ZC3H18: variants seen among roughly 807,000 people sequenced by gnomAD.
ZC3H18 encodes zinc finger CCCH-type containing 18, also known as zinc finger CCCH domain-containing protein 18.
ZC3H18 carries 8 observed loss-of-function variants against 106.1 expected under a neutral mutation model. That is an observed-to-expected ratio of 0.08 (90% confidence interval 0.04 to 0.14). The LOEUF (loss-of-function observed/expected upper bound fraction) is 0.14. ZC3H18 is among the 10% of genes least tolerant of loss of function. The probability of loss-of-function intolerance (pLI) is 1.00; values close to 1 mark genes in which losing one functional copy is unlikely to be tolerated. For missense variants in ZC3H18, 1,318 were observed against 1,278.4 expected (o/e 1.03, Z -0.47); for synonymous variants, 635 against 522.1 (o/e 1.22, Z -2.95).
chr16:88,572,784 G>A (rs1328890325), intron 1 of ZC3H18, among the ~76,000 whole-genome samples: 1 of 151,786 alleles, frequency 6.6e-6, no homozygotes, highest in East Asian at 1.9e-4. Flanking sequence ...TTGAAACGGA[G>A]TCTCACTCTG....
At position 88,604,306 on chromosome 16, in the gene ZC3H18, G is replaced by A. The variant is rs568395934; in HGVS notation, c.1088+4358G>A. 1.3e-4 allele frequency among the ~76,000 whole-genome samples: 20 copies of A among 151,320 alleles called. No individual in the cohort carries two copies. In the South Asian group the frequency reaches 2.9e-3, roughly 22 times the overall value. ...GGTGGAGGTTGCAGCAAGTGAGATCGTGCCACTGCACTCCAGCCTGGGTGA... is the reference window on the plus strand; with the variant it reads ...GGTGGAGGTTGCAGCAAGTGAGATCATGCCACTGCACTCCAGCCTGGGTGA... On this transcript the variant is annotated intron_variant, in intron 6 of 17. Coordinates refer to ENST00000301011, the MANE Select transcript of ZC3H18 (RefSeq NM_144604.4).
chr16:88,598,763 T>A (rs1277705590), intron 5 of ZC3H18, 51 bp downstream of exon 5: 1 of 1,542,832 alleles, frequency 6.5e-7, no homozygotes, highest in East Asian at 2.4e-5. Context: ...ATTACAGGAG[T>A]GGTTCTTGAC....
intron 3 of ZC3H18, among the ~76,000 whole-genome samples, chr16:88,593,635 G>A (rs1402381755): frequency 1.3e-5 from 2 of 152,202 alleles, no homozygotes; most frequent in Non-Finnish European, 2.9e-5. Context: ...GGGGCAGCAC[G>A]TGCAAGGCTG....
rs1904650971 is a variant in ZC3H18 at position 88,599,843 on chromosome 16, A to G, written c.983A>G (p.Lys328Arg). The change falls in exon 6 of 18, where the codon AAA (lysine) becomes AGA (arginine). Residue 328 changes from lysine to arginine, a missense_variant. Lys to Arg is a conservative substitution (Grantham distance 26, BLOSUM62 2). Transcript: ENST00000301011. ...GAACAGGAGCCTGATTTTGAAGAGAAAAGGTTTACGGTGACCATTGGCGAA... is the reference window on the plus strand; with the variant it reads ...GAACAGGAGCCTGATTTTGAAGAGAGAAGGTTTACGGTGACCATTGGCGAA... Reference protein sequence around the residue: ...RKEQEPDFEEKRFTVTIGEDE... With the variant: ...RKEQEPDFEERRFTVTIGEDE... 3.7e-6 allele frequency: 6 copies of G among 1,614,072 alleles called. No homozygotes were observed. Among genetic ancestry groups the G allele is most frequent in the Non-Finnish European group, 5.1e-6 (6 of 1,180,010 alleles).
chr16:88,576,512 C>T (rs560099421), intron 1 of ZC3H18, among the ~76,000 whole-genome samples: 1 of 152,092 alleles, frequency 6.6e-6, no homozygotes, highest in Non-Finnish European at 1.5e-5. Flanking sequence ...AGTGAACACG[C>T]AGGCAGGGCT....
chr16:88,577,050 G>A (rs1914796035), intron 1 of ZC3H18, 60 bp from the exon 2 acceptor site: 2 of 1,493,834 alleles, frequency 1.3e-6, no homozygotes, highest in South Asian at 2.8e-5. Context: ...CAGGAAAGTA[G>A]GGACAAGGTT....
Position 88,627,803 on chromosome 16 carries a change from C to T in ZC3H18, c.2269+21C>T, listed in dbSNP as rs368461536. On this transcript the variant is annotated intron_variant, in intron 14 of 17. Transcript: ENST00000301011. This position sits in a 1 kb window ranked among gnomAD's most constrained non-coding sequence, Gnocchi z 4.5. ...GAAAGGTACTCAGGAGCCCTGGTAC[C>T]TTTGGGGAGCAGCTCCCGGGGGAGG... 1.0e-4 allele frequency: 164 copies of T among 1,609,832 alleles called. No homozygotes were observed. Among genetic ancestry groups the T allele is most frequent in the Non-Finnish European group, 1.3e-4 (156 of 1,177,086 alleles).
rs1398346735 is a variant in ZC3H18 at position 88,595,476 on chromosome 16, T to TTC, written c.689-2701_689-2700insCT. Among the ~76,000 whole-genome samples the TTC allele has an allele frequency of 2.6e-4, 16 of 62,658 alleles. No homozygotes were observed. The South Asian group carries it at 3.7e-3, about 14-fold the overall frequency. The allele number at this position is 62,658 out of a possible 152,430, so 41.1% of individuals were successfully genotyped here. A position where few individuals can be genotyped will look rare whatever the true frequency, so the allele number is the denominator to read the frequency against. ...TTTTCTGGATAATTTCTTTCTTTCT[T>TTC]TTTTTTTTTTTTTTTTTTAACAAAT... On this transcript the variant is annotated intron_variant, in intron 3 of 17. Coordinates refer to ENST00000301011, the MANE Select transcript of ZC3H18 (RefSeq NM_144604.4).
At chr16:88,598,098 TC>T in intron 3 of ZC3H18, 79 bp from the exon 4 acceptor site, 1 of 102,144 alleles carries the variant, frequency 9.8e-6, no homozygotes, top group Non-Finnish European at 1.9e-5. Flanking sequence ...CTCTGCCCCC[TC>T]CCACCCCCCA....
At chr16:88,624,375 C>G in intron 11 of ZC3H18, 1 of 718,646 alleles carries the variant, frequency 1.4e-6, no homozygotes, top group Non-Finnish European at 2.3e-6. Context: ...GTGCCTGTAG[C>G]TCTTGCCTGT....
chr16:88,577,836 A>G, intron 2 of ZC3H18, 110 bp downstream of exon 2: 1 of 1,573,940 alleles, frequency 6.4e-7, no homozygotes, highest in Non-Finnish European at 8.6e-7. Flanking sequence ...ATTTGTTACT[A>G]GGGATGGTGC....
chr16:88,578,954 C>CT (rs1340015815), intron 2 of ZC3H18, among the ~76,000 whole-genome samples: 6 of 152,212 alleles, frequency 3.9e-5, no homozygotes, highest in Non-Finnish European at 7.3e-5. Context: ...TCCCACAGTG[C>CT]TGGGATCACA....
intron 1 of ZC3H18, among the ~76,000 whole-genome samples, chr16:88,576,480 C>G (rs1483692146): frequency 2.0e-5 from 3 of 152,148 alleles, no homozygotes; most frequent in Non-Finnish European, 4.4e-5. Context: ...ACACAGCCCT[C>G]TCGACACCTG....
chr16:88,611,583 T>A, intron 8 of ZC3H18, 47 bp downstream of exon 8: 1 of 1,537,190 alleles, frequency 6.5e-7, no homozygotes, highest in Non-Finnish European at 8.8e-7. Context: ...AGGTCCGGCA[T>A]GCAGCTCTGT....
rs1906297946 is a variant in ZC3H18, at chr16:88,626,158, A to G, written c.2108+891A>G. ...TTTTTAGTAGAGACTGGGTTTTACC[A>G]CGTTTCTGATCTTGAACTCCTGACC... On this transcript the variant is annotated intron_variant, in intron 13 of 17. Transcript: ENST00000301011. 2.6e-5 allele frequency: 4 copies of G among 152,010 alleles called. No individual in the cohort carries two copies. The South Asian group carries it at 6.2e-4, about 24-fold the overall frequency. The allele number at this position is 152,010 out of a possible 1,614,324, so 9.4% of individuals were successfully genotyped here.
intron 8 of ZC3H18, among the ~76,000 whole-genome samples, chr16:88,613,936 AAG>A (rs2142759781): frequency 6.6e-6 from 1 of 151,028 alleles, no homozygotes; most frequent in Non-Finnish European, 1.5e-5. Context: ...GTCTCAAAAA[AAG>A]GGGGGGTGTC....
Position 88,622,202 on chromosome 16 carries a change from A to T in ZC3H18, c.1481A>T (p.Gln494Leu). ...KPRSPQPPSR[Q>L]AEPPKKEAAT... ...TAATGCCTCTGTAATTTCAGCCGCC[A>T]AGCTGAGCCACCAAAGAAGGAGGCT... The change falls in exon 9 of 18, where the codon CAA (glutamine) becomes CTA (leucine). Residue 494 changes from glutamine (Q) to leucine (L), a missense_variant. This residue lies in a region of ZC3H18 where 848 missense variants were observed against 821.7 expected (regional missense o/e 1.03). Coordinates refer to ENST00000301011, the MANE Select transcript of ZC3H18 (RefSeq NM_144604.4). 6.2e-7 allele frequency: 1 copy of T among 1,608,590 alleles called. No individual in the cohort carries two copies.
At chr16:88,598,417 A>C (rs558951214) in intron 4 of ZC3H18, 91 bp downstream of exon 4, 3 of 1,525,572 alleles carry the variant, frequency 2.0e-6, no homozygotes, top group Non-Finnish European at 2.6e-6. Flanking sequence ...GTGCCTTAGC[A>C]CAGGCTCAGT....
intron 2 of ZC3H18, among the ~76,000 whole-genome samples, chr16:88,578,226 A>C (rs1324352432): frequency 1.3e-5 from 2 of 152,134 alleles, no homozygotes; most frequent in Non-Finnish European, 1.5e-5. Flanking sequence ...TGGAGAGGGC[A>C]CCAGCTGGGC....
Sources: allele counts gnomAD v4.1 joint callset (sites outside exome capture counted in the v4.1 genomes callset), GRCh38; gene constraint gnomAD v4.1.1; regional missense constraint gnomAD v4.1.1; non-coding constraint Gnocchi (gnomAD v3.1); transcripts MANE v1.5; gene names NCBI Gene and HGNC (gene_info 2026-07-23, HGNC 2026-07-21).